The following TTC17 variants were observed in gnomAD, a reference collection of about 807,000 sequenced individuals.
TTC17 encodes tetratricopeptide repeat domain 17, also known as tetratricopeptide repeat protein 17.
In TTC17, 58 loss-of-function variants were observed where a neutral mutation model predicts 143.8. The observed-to-expected ratio is 0.40, with a 90% CI of 0.33 to 0.50. TTC17 has a LOEUF of 0.50. Ranked by LOEUF, TTC17 falls within the 20% of genes least tolerant of loss-of-function variation. The pLI is 0.49. For missense variants in TTC17, 1,273 were observed against 1,392.5 expected, an observed-to-expected ratio of 0.91 and a Z score of 1.37; for synonymous variants, 501 against 497.8, an observed-to-expected ratio of 1.01 and a Z score of -0.09.
At chr11:43,403,458 G>A (rs964518779) in intron 10 of TTC17, among the ~76,000 whole-genome samples, 6 of 152,130 alleles carry the variant, frequency 3.9e-5, no homozygotes, top group Admixed American at 6.5e-5. Context: ...GTTCCACCTT[G>A]CTTTGAAGGA....
chr11:43,412,803 A>G (rs980207893), intron 15 of TTC17, among the ~76,000 whole-genome samples: 3 of 152,218 alleles, frequency 2.0e-5, no homozygotes, highest in African/African-American at 7.2e-5. Flanking sequence ...CTCAACTTGT[A>G]AAGGGAGATA....
At chr11:43,402,247 C>T (rs1326749339) in intron 10 of TTC17, among the ~76,000 whole-genome samples, 1 of 152,056 alleles carries the variant, frequency 6.6e-6, no homozygotes, top group Non-Finnish European at 1.5e-5. Context: ...TCCCCACTTT[C>T]CCTTTTAGAG....
intron 1 of TTC17, among the ~76,000 whole-genome samples, chr11:43,364,206 A>G (rs371368267): frequency 1.3e-5 from 2 of 151,746 alleles, no homozygotes; most frequent in African/African-American, 4.8e-5. Context: ...ACAGGTGTGC[A>G]CCACCACACC....
intron 21 of TTC17, among the ~76,000 whole-genome samples, chr11:43,470,871 T>C (rs571736556): frequency 3.9e-5 from 6 of 152,328 alleles, no homozygotes; most frequent in Admixed American, 3.9e-4. Flanking sequence ...CAATGCCTTA[T>C]TCAATGGCAG....
In TTC17 at chr11:43,414,738, A is replaced by G. The variant is rs781636297; in HGVS notation, c.2213A>G (p.Tyr738Cys). 6 of 1,613,514 alleles carry G rather than the reference A, an allele frequency of 3.7e-6. No individual in the cohort carries two copies. In the South Asian group the frequency reaches 6.6e-5, roughly 18 times the overall value. ...SLKLIRCMQF[Y>C]PFLYNITSSV... ...AAGTTGATCCGCTGTATGCAGTTTTATCCTTTTCTGTACAACATCACTTCT... is the reference window on the plus strand; with the variant it reads ...AAGTTGATCCGCTGTATGCAGTTTTGTCCTTTTCTGTACAACATCACTTCT... Residue 738 changes from tyrosine (Y) to cysteine (C), a missense_variant, in exon 16 of 24, where the codon TAT becomes TGT. Tyr to Cys is a radical substitution (Grantham distance 194). This residue lies in a region of TTC17 where 878 missense variants were observed against 899.8 expected (regional missense o/e 0.98). Coordinates refer to ENST00000039989, the MANE Select transcript of TTC17 (RefSeq NM_018259.6).
chr11:43,475,296 A>G (rs1009460270), intron 21 of TTC17, among the ~76,000 whole-genome samples: 1 of 152,056 alleles, frequency 6.6e-6, no homozygotes, highest in African/African-American at 2.4e-5. Context: ...GGTGGAAGAA[A>G]TTTCTAAGCA....
At chr11:43,441,484 A>G (rs891933202) in intron 16 of TTC17, among the ~76,000 whole-genome samples, 3 of 152,012 alleles carry the variant, frequency 2.0e-5, no homozygotes, top group Non-Finnish European at 4.4e-5. Context: ...AATTCATTAT[A>G]TTTCATTTCT....
chr11:43,388,162 T>C (rs1857235803), intron 2 of TTC17, among the ~76,000 whole-genome samples: 1 of 150,120 alleles, frequency 6.7e-6, no homozygotes, highest in South Asian at 2.1e-4. Flanking sequence ...AAAGAAAGTT[T>C]TTCTTAAAGA....
intron 1 of TTC17, among the ~76,000 whole-genome samples, chr11:43,374,257 A>G (rs936477078): frequency 2.0e-5 from 3 of 152,192 alleles, no homozygotes; most frequent in Non-Finnish European, 4.4e-5. Flanking sequence ...ACCTTTTACC[A>G]TATACAGAAA....
At chr11:43,397,245 C>A in intron 6 of TTC17, 102 bp from the exon 7 acceptor site, 1 of 1,268,340 alleles carries the variant, frequency 7.9e-7, no homozygotes, top group Non-Finnish European at 1.1e-6. Flanking sequence ...ATCTTATTTT[C>A]TCCACCTATA....
intron 21 of TTC17, among the ~76,000 whole-genome samples, chr11:43,457,080 G>C (rs1947777725): frequency 6.6e-6 from 1 of 152,100 alleles, no homozygotes; most frequent in Non-Finnish European, 1.5e-5. Flanking sequence ...TTGGGCTGAG[G>C]AGACAAACAC....
intron 21 of TTC17, among the ~76,000 whole-genome samples, chr11:43,483,588 T>G (rs1169959677): frequency 2.6e-5 from 4 of 152,010 alleles, no homozygotes; most frequent in Non-Finnish European, 5.9e-5. Context: ...AAACGCAAAA[T>G]TTGAGTCACC....
At chr11:43,447,847 T>G (rs1323276671) in intron 18 of TTC17, 155 bp from the exon 19 acceptor site, 9 of 876,344 alleles carry the variant, frequency 1.0e-5, no homozygotes, top group Non-Finnish European at 1.4e-5. Flanking sequence ...TGACGAGATT[T>G]TAATTAGATC....
At chr11:43,372,231 G>GTA (rs10635239) in intron 1 of TTC17, among the ~76,000 whole-genome samples, 7,352 of 152,010 alleles carry the variant, frequency 0.048, 209 homozygotes, top group South Asian at 0.11. Context: ...CAAAAAAATA[G>GTA]TATAGTTCCT....
In TTC17 at chr11:43,444,134, C is replaced by A; in HGVS notation, c.2590C>A (p.Gln864Lys). 6.2e-7 allele frequency: 1 copy of A among 1,613,168 alleles called. No individual in the cohort carries two copies. Among genetic ancestry groups the A allele is most frequent in the South Asian group, 1.1e-5 (1 of 90,878 alleles). ...TCCTGGGAAAAAAGTAGAAACAGGT[C>A]AGATAGAAAATGGACATCGTTACCA... Reference protein sequence around the residue: ...KTPGKKVETGQIENGHRYQAN... With the variant: ...KTPGKKVETGKIENGHRYQAN... The change falls in exon 18 of 24, where the codon CAG becomes AAG. Residue 864 changes from glutamine to lysine, a missense_variant. By Grantham distance (53) the Gln-to-Lys change is moderately conservative. Coordinates refer to ENST00000039989, the MANE Select transcript of TTC17 (RefSeq NM_018259.6).
intron 1 of TTC17, among the ~76,000 whole-genome samples, chr11:43,372,683 G>T (rs1565130580): frequency 6.6e-6 from 1 of 151,848 alleles, no homozygotes; most frequent in African/African-American, 2.4e-5. Flanking sequence ...TAGAGATGGG[G>T]TTTCACCATG....
At chr11:43,459,506 A>G (rs1947824989) in intron 21 of TTC17, among the ~76,000 whole-genome samples, 1 of 152,212 alleles carries the variant, frequency 6.6e-6, no homozygotes, top group Non-Finnish European at 1.5e-5. Context: ...GGACTTTCAA[A>G]TTATAAACCA....
chr11:43,427,726 T>C (rs1947062650), intron 16 of TTC17, among the ~76,000 whole-genome samples: 1 of 152,182 alleles, frequency 6.6e-6, no homozygotes, highest in Non-Finnish European at 1.5e-5. Flanking sequence ...TGACTTGCCA[T>C]GGTAGTTATC....
intron 21 of TTC17, among the ~76,000 whole-genome samples, chr11:43,458,686 C>G (rs1947808464): frequency 6.6e-6 from 1 of 152,136 alleles, no homozygotes; most frequent in African/African-American, 2.4e-5. Flanking sequence ...GCATCAGGCT[C>G]AGAGTCTACT....
Sources: allele counts gnomAD v4.1 joint callset (sites outside exome capture counted in the v4.1 genomes callset), GRCh38; gene constraint gnomAD v4.1.1; regional missense constraint gnomAD v4.1.1; transcripts MANE v1.5; gene names NCBI Gene and HGNC (gene_info 2026-07-23, HGNC 2026-07-21).